Variants in GRM8 observed in about 807,000 individuals in gnomAD.
The protein encoded by GRM8 is metabotropic glutamate receptor 8.
A neutral mutation model predicts 87.2 loss-of-function variants in GRM8; 47 were observed. The ratio of observed to expected loss-of-function variants is 0.54; its 90% confidence interval spans 0.43 to 0.69. The LOEUF (loss-of-function observed/expected upper bound fraction) is 0.69. GRM8 is among the 30% of genes least tolerant of loss of function. The pLI, the probability that GRM8 is intolerant of heterozygous loss-of-function variation, is 0.00. For missense variants in GRM8, 1,019 were observed against 1,139.2 expected (o/e 0.89, Z 1.52); for synonymous variants, 396 against 404.5 (o/e 0.98, Z 0.25).
intron 3 of GRM8, among the ~76,000 whole-genome samples, chr7:126,998,358 A>G (rs1030063112): frequency 3.3e-5 from 5 of 151,866 alleles, no homozygotes; most frequent in African/African-American, 9.7e-5. Context: ...AGAACACAAC[A>G]AAGAACTCCA....
At chr7:126,777,789 TAAAC>T (rs1274645977) in intron 6 of GRM8, among the ~76,000 whole-genome samples, 5 of 152,244 alleles carry the variant, frequency 3.3e-5, no homozygotes, top group African/African-American at 2.4e-5. Context: ...TCTGAACTGT[TAAAC>T]AAACAAAAAA....
intron 2 of GRM8, among the ~76,000 whole-genome samples, chr7:127,171,547 G>A (rs1173073464): frequency 6.6e-6 from 1 of 152,186 alleles, no homozygotes; most frequent in Non-Finnish European, 1.5e-5. Context: ...ACCCTGATTA[G>A]TCAGTAGCCA....
intron 1 of GRM8, among the ~76,000 whole-genome samples, chr7:127,247,361 T>A (rs1225244789): frequency 2.0e-5 from 3 of 152,200 alleles, no homozygotes; most frequent in Non-Finnish European, 2.9e-5. Context: ...AAATCCTCAC[T>A]GAGGAATACC....
chr7:126,606,339 A>T (rs1798343715), intron 8 of GRM8, among the ~76,000 whole-genome samples: 1 of 152,204 alleles, frequency 6.6e-6, no homozygotes, highest in African/African-American at 2.4e-5. Context: ...AATCATAAGT[A>T]ACATTTATAG....
At chr7:126,632,157 T>G (rs79772544) in intron 7 of GRM8, among the ~76,000 whole-genome samples, 1 of 152,118 alleles carries the variant, frequency 6.6e-6, no homozygotes, top group Non-Finnish European at 1.5e-5. Flanking sequence ...ATAGCCAGAA[T>G]CTACAAGAAA....
chr7:127,024,130 G>A (rs1307712430), intron 3 of GRM8, among the ~76,000 whole-genome samples: 1 of 152,052 alleles, frequency 6.6e-6, no homozygotes, highest in Non-Finnish European at 1.5e-5. Flanking sequence ...CTACTCATTT[G>A]CTTGACGAAA....
chr7:126,932,209 T>C (rs1357118200), intron 3 of GRM8, among the ~76,000 whole-genome samples: 1 of 152,162 alleles, frequency 6.6e-6, no homozygotes, highest in Non-Finnish European at 1.5e-5. Context: ...GAGTCTTTCT[T>C]TAGAATCTAT....
chr7:126,974,681 T>C (rs1175888687), intron 3 of GRM8, among the ~76,000 whole-genome samples: 1 of 152,026 alleles, frequency 6.6e-6, no homozygotes, highest in Non-Finnish European at 1.5e-5. Flanking sequence ...CTATAATTAA[T>C]CCCAGCACTT....
intron 2 of GRM8, among the ~76,000 whole-genome samples, chr7:127,223,914 T>TAAAA (rs71177597): frequency 1.8e-4 from 24 of 133,776 alleles, no homozygotes; most frequent in Non-Finnish European, 2.8e-4. Flanking sequence ...AAATGAAATG[T>TAAAA]AAAAAAAAAA....
intron 7 of GRM8, among the ~76,000 whole-genome samples, chr7:126,729,989 G>A (rs1264844431): frequency 6.6e-6 from 1 of 152,074 alleles, no homozygotes; most frequent in Admixed American, 6.6e-5. Flanking sequence ...TATCAGATAT[G>A]CAAGAGTTTA....
intron 3 of GRM8, among the ~76,000 whole-genome samples, chr7:126,934,972 C>T (rs1806149563): frequency 6.6e-6 from 1 of 152,098 alleles, no homozygotes; most frequent in African/African-American, 2.4e-5. Context: ...GTTTATTTAA[C>T]AAATGAATAA....
intron 7 of GRM8, among the ~76,000 whole-genome samples, chr7:126,705,586 G>GTAT (rs1810414363): frequency 6.6e-6 from 1 of 152,084 alleles, no homozygotes; most frequent in Non-Finnish European, 1.5e-5. Flanking sequence ...ATATATGTAT[G>GTAT]GACGTATATG....
intron 8 of GRM8, among the ~76,000 whole-genome samples, chr7:126,582,752 T>C (rs1795729634): frequency 6.6e-6 from 1 of 152,146 alleles, no homozygotes; most frequent in South Asian, 2.1e-4. Context: ...CTAAATCTAG[T>C]TGGCCTGTGT....
At chr7:126,759,563 A>C (rs368777156) in intron 7 of GRM8, among the ~76,000 whole-genome samples, 1 of 152,154 alleles carries the variant, frequency 6.6e-6, no homozygotes, top group Non-Finnish European at 1.5e-5. Flanking sequence ...ATATCCAAGG[A>C]CCTGGCACTG....
At chr7:126,691,934 G>A (rs1808859674) in intron 7 of GRM8, among the ~76,000 whole-genome samples, 1 of 152,164 alleles carries the variant, frequency 6.6e-6, no homozygotes, top group South Asian at 2.1e-4. Flanking sequence ...ATGACACAAA[G>A]AATGACAGAA....
chr7:126,794,054 G>T (rs946461517), intron 6 of GRM8, among the ~76,000 whole-genome samples: 4 of 151,866 alleles, frequency 2.6e-5, no homozygotes, highest in Non-Finnish European at 5.9e-5. Flanking sequence ...ATATTTACTT[G>T]CCTGGGTTTT....
chr7:127,022,353 A>G (rs562771934), intron 3 of GRM8, among the ~76,000 whole-genome samples: 143 of 152,180 alleles, frequency 9.4e-4, no homozygotes, highest in African/African-American at 3.3e-3. Context: ...ATGGAGATGT[A>G]TTTAAATATA....
At chr7:126,935,614 C>T (rs1451376872) in intron 3 of GRM8, among the ~76,000 whole-genome samples, 6 of 152,176 alleles carry the variant, frequency 3.9e-5, no homozygotes, top group Non-Finnish European at 8.8e-5. Flanking sequence ...TGTCAACTCA[C>T]TGAATGGTGA....
intron 6 of GRM8, among the ~76,000 whole-genome samples, chr7:126,893,167 T>C (rs927927852): frequency 6.6e-6 from 1 of 152,026 alleles, no homozygotes; most frequent in African/African-American, 2.4e-5. Context: ...TTTATTTTTT[T>C]AGAAAAACAA....
Sources: allele counts gnomAD v4.1 joint callset (sites outside exome capture counted in the v4.1 genomes callset), GRCh38; gene constraint gnomAD v4.1.1; transcripts MANE v1.5; gene names NCBI Gene and HGNC (gene_info 2026-07-23, HGNC 2026-07-21).